The following ST3GAL3 variants were observed in gnomAD, a reference collection of about 807,000 sequenced individuals.
ST3GAL3 encodes ST3 beta-galactoside alpha-2,3-sialyltransferase 3, also known as CMP-N-acetylneuraminate-beta-1,4-galactoside alpha-2,3-sialyltransferase.
Under a neutral mutation model 50.1 loss-of-function variants are expected in ST3GAL3, and 21 were observed. That is an observed-to-expected ratio of 0.42 (90% confidence interval 0.30 to 0.60). The LOEUF (loss-of-function observed/expected upper bound fraction) is 0.60, where lower values mean the gene tolerates loss of function less well. Ranked by LOEUF, ST3GAL3 falls within the 20% of genes least tolerant of loss-of-function variation. The pLI is 0.19. For synonymous variants in ST3GAL3, 183 were observed against 190.0 expected (o/e 0.96, Z 0.30); for missense variants, 353 against 489.4 (o/e 0.72, Z 2.63).
At chr1:43,810,064 A>T (rs74969312) in intron 3 of ST3GAL3, among the ~76,000 whole-genome samples, 1 of 152,092 alleles carries the variant, frequency 6.6e-6, no homozygotes, top group Non-Finnish European at 1.5e-5. Context: ...GGGAAAAAAA[A>T]TGAACAGACC....
intron 5 of ST3GAL3, among the ~76,000 whole-genome samples, chr1:43,884,668 A>G (rs988954470): frequency 1.1e-4 from 17 of 152,190 alleles, no homozygotes; most frequent in Admixed American, 1.1e-3. Flanking sequence ...CCTGTGGTTG[A>G]ATATAACGGA....
At chr1:43,929,804 T>G (rs2084740224) in intron 11 of ST3GAL3, among the ~76,000 whole-genome samples, 1 of 152,146 alleles carries the variant, frequency 6.6e-6, no homozygotes, top group African/African-American at 2.4e-5. Context: ...AGGTGCTTCA[T>G]GACAAGAAGT....
intron 4 of ST3GAL3, among the ~76,000 whole-genome samples, chr1:43,818,592 T>C (rs561313478): frequency 6.6e-6 from 1 of 152,330 alleles, no homozygotes; most frequent in East Asian, 1.9e-4. Flanking sequence ...CTCATGGTTT[T>C]ATGAGAACCA....
intron 4 of ST3GAL3, among the ~76,000 whole-genome samples, chr1:43,832,581 C>A (rs929072069): frequency 1.3e-5 from 2 of 152,082 alleles, no homozygotes; most frequent in African/African-American, 4.8e-5. Context: ...ACAATGCAAG[C>A]AAGACCCAGC....
At chr1:43,882,425 G>C (rs2075296087) in intron 5 of ST3GAL3, among the ~76,000 whole-genome samples, 1 of 152,156 alleles carries the variant, frequency 6.6e-6, no homozygotes, top group Admixed American at 6.5e-5. Context: ...TTACCTTCTA[G>C]GTAGCAGTTG....
chr1:43,738,412 T>A (rs1679394156), intron 2 of ST3GAL3: 1 of 152,224 alleles, frequency 6.6e-6, no homozygotes, highest in African/African-American at 2.4e-5. Context: ...CAAAGCATAC[T>A]ATTTTATGTG....
At chr1:43,820,061 C>G (rs2061894034) in intron 4 of ST3GAL3, among the ~76,000 whole-genome samples, 1 of 152,100 alleles carries the variant, frequency 6.6e-6, no homozygotes, top group African/African-American at 2.4e-5. Flanking sequence ...ACTTCAAACT[C>G]TACTATAAGG....
intron 4 of ST3GAL3, among the ~76,000 whole-genome samples, chr1:43,818,278 C>A (rs2061663688): frequency 6.6e-6 from 1 of 152,108 alleles, no homozygotes; most frequent in African/African-American, 2.4e-5. Flanking sequence ...TAAACCTACA[C>A]CCCCAAAGCA....
intron 2 of ST3GAL3, among the ~76,000 whole-genome samples, chr1:43,740,771 G>A (rs1558089001): frequency 6.6e-6 from 1 of 151,880 alleles, no homozygotes; most frequent in African/African-American, 2.4e-5. Flanking sequence ...AGCTATGATT[G>A]TGCCACTGTA....
At chr1:43,921,499 C>G in intron 11 of ST3GAL3, 1 of 401,394 alleles carries the variant, frequency 2.5e-6, no homozygotes, top group Non-Finnish European at 4.4e-6. Context: ...CACACTTCTG[C>G]TTTGACCACC....
At chr1:43,787,580 A>G (rs1172675459) in intron 2 of ST3GAL3, among the ~76,000 whole-genome samples, 1 of 152,230 alleles carries the variant, frequency 6.6e-6, no homozygotes, top group East Asian at 1.9e-4. Flanking sequence ...CTGCCCTCTC[A>G]CTTGCCTCTT....
chr1:43,730,061 G>T (rs994412026), intron 1 of ST3GAL3, among the ~76,000 whole-genome samples: 1 of 152,080 alleles, frequency 6.6e-6, no homozygotes, highest in Non-Finnish European at 1.5e-5. Flanking sequence ...TCCTTGTCTT[G>T]GAGGCTTTGG....
At position 43,771,730 on chromosome 1, in the gene ST3GAL3, TTGTGTGTGTG is replaced by T. The variant is rs143955404; in HGVS notation, c.119-20340_119-20331del. On this transcript the variant is annotated intron_variant, in intron 2 of 11. Transcript: ENST00000347631. Reference sequence around the variant, plus strand: ...CTCAGATTATAATGTTTTAATAAAGTTGTGTGTGTGTGTGTGTGTGTGTGTGTGTGTGTGT... The same window carrying T: ...CTCAGATTATAATGTTTTAATAAAGTTGTGTGTGTGTGTGTGTGTGTGTGT... Among the ~76,000 whole-genome samples the T allele has an allele frequency of 2.5e-3, 367 of 145,112 alleles. 3 individuals are homozygous for T. Among genetic ancestry groups the T allele is most frequent in the Middle Eastern group, 0.01 (3 of 286 alleles).
Position 43,920,110 on chromosome 1 carries a change from C to T in ST3GAL3, c.745-294C>T, listed in dbSNP as rs2082767339. 6.6e-6 allele frequency: 3 copies of T among 454,342 alleles called. No homozygotes were observed. The Admixed American group carries it at 1.0e-4, about 16-fold the overall frequency. 28.1% of individuals were successfully genotyped at this position (454,342 alleles called of 1,614,324 possible). On this transcript the variant is annotated intron_variant, in intron 9 of 11. Coordinates refer to ENST00000347631, the MANE Select transcript of ST3GAL3 (RefSeq NM_006279.5). ...TTGGCCCAGGAGCCCCCTCAGGCCA[C>T]AGCAGCACACCCACAGCATCCCACA...
intron 5 of ST3GAL3, among the ~76,000 whole-genome samples, chr1:43,867,640 A>G (rs543442372): frequency 6.6e-6 from 1 of 152,338 alleles, no homozygotes; most frequent in Admixed American, 6.5e-5. Flanking sequence ...ACCTGTAGAC[A>G]TGCTTTATGG....
intron 2 of ST3GAL3, among the ~76,000 whole-genome samples, chr1:43,778,479 A>G (rs1698108550): frequency 6.6e-6 from 1 of 152,180 alleles, no homozygotes; most frequent in South Asian, 2.1e-4. Flanking sequence ...GGTCCAAACA[A>G]GGTCCACACA....
chr1:43,779,987 G>A (rs983466817), intron 2 of ST3GAL3, among the ~76,000 whole-genome samples: 19 of 152,100 alleles, frequency 1.2e-4, no homozygotes, highest in Non-Finnish European at 2.6e-4. Flanking sequence ...TTTGCTCTCT[G>A]TGTAGCTGCA....
At chr1:43,810,035 A>C (rs182898305) in intron 3 of ST3GAL3, among the ~76,000 whole-genome samples, 6 of 151,798 alleles carry the variant, frequency 4.0e-5, no homozygotes, top group Admixed American at 3.3e-4. Context: ...GAAAAGAAAC[A>C]TAGAGTGAAA....
chr1:43,730,827 A>G (rs1224753688), intron 1 of ST3GAL3, among the ~76,000 whole-genome samples: 2 of 151,974 alleles, frequency 1.3e-5, no homozygotes, highest in Non-Finnish European at 2.9e-5. Context: ...GATTACAGGC[A>G]TGAACCACCA....
Sources: gnomAD v4.1 joint callset for allele counts (sites outside exome capture counted in the v4.1 genomes callset) on GRCh38, gnomAD v4.1.1 for gene constraint, MANE v1.5 for transcripts, NCBI Gene and HGNC (gene_info 2026-07-23, HGNC 2026-07-21) for gene names.